SYNPR: variants seen among roughly 807,000 people sequenced by gnomAD.
SYNPR encodes the protein synaptoporin.
A neutral mutation model predicts 32.9 loss-of-function variants in SYNPR; 23 were observed. The observed-to-expected ratio is 0.70, with a 90% CI of 0.50 to 0.99. The LOEUF (loss-of-function observed/expected upper bound fraction) is 0.99, where lower values mean the gene tolerates loss of function less well. Among genes scored for constraint, SYNPR ranks in the 50% least tolerant of loss-of-function variants. The probability of loss-of-function intolerance (pLI) is 0.00; values close to 1 mark genes in which losing one functional copy is unlikely to be tolerated. For synonymous variants in SYNPR, 146 were observed against 135.9 expected (o/e 1.07, Z -0.52); for missense variants, 318 against 349.3 (o/e 0.91, Z 0.71).
At chr3:63,556,803 TGAAGGACTTTGGAG>T in intron 4 of SYNPR, 62 bp downstream of exon 4, 1 of 1,479,790 alleles carries the variant, frequency 6.8e-7, no homozygotes, top group Non-Finnish European at 9.1e-7. Context: ...TACTAATGCT[TGAAGGACTTTGGAG>T]TTACCTGAGC....
At chr3:63,452,187 T>C in intron 2 of SYNPR, 1 of 667,236 alleles carries the variant, frequency 1.5e-6, no homozygotes, top group Admixed American at 2.1e-5. Context: ...TTCTATGTAA[T>C]ACTGAGCAGC....
chr3:63,217,838 C>G, the SYNPR span, among the ~76,000 whole-genome samples: 5 of 152,136 alleles, frequency 3.3e-5, no homozygotes, highest in South Asian at 8.3e-4. Flanking sequence ...CCAACTCCAC[C>G]CAAAAGCATT....
intron 2 of SYNPR, among the ~76,000 whole-genome samples, chr3:63,474,283 G>A (rs777104392): frequency 5.3e-5 from 8 of 152,162 alleles, no homozygotes; most frequent in Non-Finnish European, 1.0e-4. Context: ...CCAAGCACAC[G>A]TATGCTAGCT....
intron 4 of SYNPR, among the ~76,000 whole-genome samples, chr3:63,559,094 G>T: frequency 6.9e-6 from 1 of 144,566 alleles, no homozygotes; most frequent in African/African-American, 2.6e-5. Flanking sequence ...TTTTGAGACA[G>T]GATCTTACTG....
intron 2 of SYNPR, among the ~76,000 whole-genome samples, chr3:63,279,364 G>C (rs1202577285): frequency 6.6e-6 from 1 of 152,084 alleles, no homozygotes; most frequent in Non-Finnish European, 1.5e-5. Flanking sequence ...CACTCCTCTA[G>C]GGCTTTTCTG....
At chr3:63,511,737 T>C (rs1019178699) in intron 3 of SYNPR, among the ~76,000 whole-genome samples, 1 of 152,114 alleles carries the variant, frequency 6.6e-6, no homozygotes, top group Admixed American at 6.6e-5. Flanking sequence ...TTATAATTAT[T>C]GGCTCTCAAG....
chr3:63,252,213 A>G (rs2086338813), intron 1 of SYNPR, among the ~76,000 whole-genome samples: 1 of 152,206 alleles, frequency 6.6e-6, no homozygotes, highest in Non-Finnish European at 1.5e-5. Flanking sequence ...GATATGAATG[A>G]CACAGTCAAC....
chr3:63,352,732 G>A (rs1243780765), intron 2 of SYNPR, among the ~76,000 whole-genome samples: 1 of 152,164 alleles, frequency 6.6e-6, no homozygotes, highest in Non-Finnish European at 1.5e-5. Flanking sequence ...AGTTCCACAT[G>A]GCTGAAGAGG....
chr3:63,610,497 G>A (rs1361428138), intron 5 of SYNPR: 2 of 699,150 alleles, frequency 2.9e-6, no homozygotes, highest in Admixed American at 2.0e-5. Flanking sequence ...AATCTGCGAA[G>A]GCACTTAAGA....
intron 2 of SYNPR, chr3:63,443,506 G>A (rs1437170372): frequency 1.9e-6 from 3 of 1,596,178 alleles, no homozygotes; most frequent in Non-Finnish European, 2.6e-6. Flanking sequence ...AGCTGGCTGT[G>A]GGGATATGTG....
chr3:63,272,530 A>C (rs1403220866), intron 3 of SYNPR, among the ~76,000 whole-genome samples: 1 of 129,310 alleles, frequency 7.7e-6, no homozygotes, highest in Non-Finnish European at 1.7e-5. Flanking sequence ...TTTTTTTTGG[A>C]TAAACATAGA....
At chr3:63,250,361 T>C (rs1464906966) in intron 1 of SYNPR, among the ~76,000 whole-genome samples, 1 of 151,194 alleles carries the variant, frequency 6.6e-6, no homozygotes, top group African/African-American at 2.4e-5. Flanking sequence ...AAAAATAAAA[T>C]TATCCAAGAT....
chr3:63,499,211 G>A (rs1021517988), intron 3 of SYNPR, among the ~76,000 whole-genome samples: 2 of 152,070 alleles, frequency 1.3e-5, no homozygotes, highest in African/African-American at 4.8e-5. Context: ...CTGGCTAATA[G>A]AAAGCATATA....
chr3:63,408,277 GAGGAAGGAAGGAAGGA>G (rs71126602), intron 2 of SYNPR, among the ~76,000 whole-genome samples: 6 of 45,648 alleles, frequency 1.3e-4, no homozygotes, highest in East Asian at 6.3e-4. Context: ...AAGAAAGAAA[GAGGAAGGAAGGAAGGA>G]AGGAAGGAAG....
intron 2 of SYNPR, among the ~76,000 whole-genome samples, chr3:63,440,814 C>T (rs1352267234): frequency 6.6e-6 from 1 of 152,114 alleles, no homozygotes; most frequent in East Asian, 1.9e-4. Context: ...GAGCCTCATA[C>T]CTCCTATCTT....
intron 3 of SYNPR, among the ~76,000 whole-genome samples, chr3:63,522,294 T>C (rs1034076586): frequency 6.6e-6 from 1 of 152,230 alleles, no homozygotes; most frequent in Admixed American, 6.5e-5. Context: ...CCAAGGAATT[T>C]CCTTCTCTTT....
At chr3:63,216,726 A>G in the SYNPR span, among the ~76,000 whole-genome samples, 2 of 44,160 alleles carry the variant, frequency 4.5e-5, 1 homozygote, top group African/African-American at 1.5e-4. Context: ...ATCATTCTCC[A>G]TCCAGCTTTG....
Position 63,605,789 on chromosome 3 carries a change from G to T in SYNPR, c.409-3336G>T, listed in dbSNP as rs576570688. ...GAAGAAGGAGCCATGTGGGTCCCAA[G>T]AGATGGGAGTGCCCAGGTTAAAGCT... is the stretch of plus-strand genomic sequence containing the variant. On this transcript the variant is annotated intron_variant, in intron 4 of 5. Transcript: ENST00000478300. 5.3e-5 allele frequency among the ~76,000 whole-genome samples: 8 copies of T among 152,348 alleles called. No homozygotes were observed. The South Asian group carries it at 1.7e-3, about 32-fold the overall frequency.
At chr3:63,401,354 T>A (rs2107101738) in intron 2 of SYNPR, among the ~76,000 whole-genome samples, 1 of 152,224 alleles carries the variant, frequency 6.6e-6, no homozygotes, top group Non-Finnish European at 1.5e-5. Context: ...GAGCATGCGA[T>A]TGCTATGGTC....
Sources: gnomAD v4.1 joint callset for allele counts (sites outside exome capture counted in the v4.1 genomes callset) on GRCh38, gnomAD v4.1.1 for gene constraint, MANE v1.5 for transcripts, NCBI Gene and HGNC (gene_info 2026-07-23, HGNC 2026-07-21) for gene names.